The following PIGB variants were observed in gnomAD, a reference collection of about 807,000 sequenced individuals.
PIGB encodes phosphatidylinositol glycan anchor biosynthesis class B.
PIGB carries 58 observed loss-of-function variants against 68.4 expected under a neutral mutation model. The observed-to-expected ratio is 0.85, with a 90% CI of 0.69 to 1.06. The LOEUF is 1.06. Ranked by LOEUF, PIGB falls within the 50% of genes least tolerant of loss-of-function variation. The pLI is 0.00. For synonymous variants in PIGB, 219 were observed against 220.5 expected (o/e 0.99, Z 0.06); for missense variants, 634 against 655.8 (o/e 0.97, Z 0.36).
intron 9 of PIGB, among the ~76,000 whole-genome samples, chr15:55,348,138 C>T (rs2055842647): frequency 6.6e-6 from 1 of 152,094 alleles, no homozygotes; most frequent in Admixed American, 6.5e-5. Context: ...AGGCATGCGC[C>T]TCCACACCTA....
intron 2 of PIGB, among the ~76,000 whole-genome samples, chr15:55,320,820 G>T (rs865924014): frequency 3.9e-5 from 6 of 152,046 alleles, no homozygotes; most frequent in Non-Finnish European, 8.8e-5. Context: ...CATATTTTCA[G>T]TTTTCCGTAT....
intron 9 of PIGB, chr15:55,343,548 G>A (rs557174859): frequency 6.6e-6 from 1 of 152,154 alleles, no homozygotes; most frequent in Non-Finnish European, 1.5e-5. Flanking sequence ...GCTTTACCAA[G>A]TATTTACACA....
chr15:55,327,369 G>A (rs1176942305), intron 3 of PIGB, among the ~76,000 whole-genome samples, 162 bp from the exon 4 acceptor site: 1 of 151,950 alleles, frequency 6.6e-6, no homozygotes, highest in Admixed American at 6.6e-5. Context: ...AAAAGGGGAT[G>A]TAGGGATGTA....
At chr15:55,319,440 GCTC>G in intron 1 of PIGB, 27 bp downstream of exon 1, 1 of 1,533,586 alleles carries the variant, frequency 6.5e-7, no homozygotes, top group Non-Finnish European at 8.8e-7. Context: ...TGTCTGGAGA[GCTC>G]CTACCCCCAT....
At chr15:55,346,010 C>G (rs2055785737) in intron 9 of PIGB, among the ~76,000 whole-genome samples, 1 of 152,036 alleles carries the variant, frequency 6.6e-6, no homozygotes, top group South Asian at 2.1e-4. Context: ...CATTAGGTTT[C>G]CTGATAATTC....
chr15:55,321,453 CTGT>C (rs1566946105), intron 3 of PIGB, 63 bp downstream of exon 3: 1 of 1,405,602 alleles, frequency 7.1e-7, no homozygotes, highest in Non-Finnish European at 9.7e-7. Context: ...TAAAAGGCTA[CTGT>C]TGCTGAAGTC....
At chr15:55,341,120 G>T (rs942551112) in intron 8 of PIGB, among the ~76,000 whole-genome samples, 1 of 151,024 alleles carries the variant, frequency 6.6e-6, no homozygotes, top group Non-Finnish European at 1.5e-5. Context: ...TCAATACTTT[G>T]AAGGCCAAGG....
rs541817746 is a variant in PIGB at position 55,343,849 on chromosome 15, G to C, written c.1123+2047G>C. Among the ~76,000 whole-genome samples the C allele has an allele frequency of 2.6e-3, 401 of 152,214 alleles. 1 individual carries two copies. The highest frequency in any genetic ancestry group is 9.1e-3 in the African/African-American group (379 of 41,542). On this transcript the variant is annotated intron_variant, in intron 9 of 11. Transcript: ENST00000164305. ...GTGGGTCAAAAAACTCTAATTCCTA[G>C]GAGATTTGTACTTCCACTAACAGTC...
Position 55,329,764 on chromosome 15 carries a change from G to C in PIGB, c.563G>C (p.Cys188Ser). 6.2e-7 allele frequency: 1 copy of C among 1,610,220 alleles called. No homozygotes were observed. Among genetic ancestry groups the C allele is most frequent in the Non-Finnish European group, 8.5e-7 (1 of 1,176,774 alleles). ...TGCTCCTGGTTCACATGGTATTGCT[G>C]TACCAGAACCCTTACAAACACCATG... ...QLCSWFTWYCCTRTLTNTMET... is the reference protein window; with the variant it reads ...QLCSWFTWYCSTRTLTNTMET... Residue 188 changes from cysteine (C) to serine (S), a missense_variant, in exon 5 of 12, where the codon TGT becomes TCT. Coordinates refer to ENST00000164305, the MANE Select transcript of PIGB (RefSeq NM_004855.5).
rs1029416529 is a variant in PIGB, at chr15:55,329,259, C to T, written c.523-465C>T. Among the ~76,000 whole-genome samples, 6 of 151,100 alleles carry T rather than the reference C, an allele frequency of 4.0e-5. No individual in the cohort carries two copies. In the East Asian group the frequency reaches 5.8e-4, roughly 15 times the overall value. ...CTCTTTTGTCTTAATTTTTCATCAG[C>T]GTTCCAAAACAGGGAGACATTCCAA... On this transcript the variant is annotated intron_variant, in intron 4 of 11. Coordinates refer to ENST00000164305, the MANE Select transcript of PIGB (RefSeq NM_004855.5).
chr15:55,348,234 C>T (rs2055845742), intron 9 of PIGB: 1 of 152,368 alleles, frequency 6.6e-6, no homozygotes, highest in African/African-American at 2.4e-5. Flanking sequence ...ATCTGCCCGC[C>T]TTGGCCTCCC....
intron 4 of PIGB, among the ~76,000 whole-genome samples, chr15:55,328,756 C>T (rs1264137340): frequency 6.6e-6 from 1 of 152,080 alleles, no homozygotes; most frequent in Non-Finnish European, 1.5e-5. Context: ...TCACAAGGTC[C>T]GGAGTTCGAG....
In PIGB at chr15:55,323,392, G is replaced by A. The variant is rs373004530; in HGVS notation, c.417+2002G>A. The stretch of plus-strand genomic sequence containing the variant: ...AATCTCAGCACTTTGGGAGGCTGAG[G>A]TGGGAGGATTGCTTGAGGCCAGGAG... On this transcript the variant is annotated intron_variant, in intron 3 of 11. Transcript: ENST00000164305. Among the ~76,000 whole-genome samples, 19 of 152,302 alleles carry A rather than the reference G, an allele frequency of 1.2e-4. 1 individual carries two copies. The highest frequency in any genetic ancestry group is 7.2e-4 in the Admixed American group (11 of 15,288).
rs1034586339 is a variant in PIGB at position 55,354,082 on chromosome 15, C to T, written c.1338-716C>T. Among the ~76,000 whole-genome samples, 6 of 151,070 alleles carry T rather than the reference C, an allele frequency of 4.0e-5. No homozygotes were observed. In the East Asian group the frequency reaches 7.9e-4, roughly 20 times the overall value. ...ATCCCAGCACTTTGGAAGGCTGAGG[C>T]GGGTGGATCACCTGAGGTTAGGAGT... On this transcript the variant is annotated intron_variant, in intron 10 of 11. Coordinates refer to ENST00000164305, the MANE Select transcript of PIGB (RefSeq NM_004855.5).
At chr15:55,325,062 C>T (rs1413597650) in intron 3 of PIGB, among the ~76,000 whole-genome samples, 1 of 152,198 alleles carries the variant, frequency 6.6e-6, no homozygotes, top group Non-Finnish European at 1.5e-5. Flanking sequence ...CGCGGTGGAT[C>T]ACGCCTGTAA....
intron 3 of PIGB, among the ~76,000 whole-genome samples, chr15:55,324,455 T>C (rs1259238806): frequency 6.6e-6 from 1 of 152,166 alleles, no homozygotes; most frequent in Non-Finnish European, 1.5e-5. Context: ...TATGCGAAAG[T>C]CTACTTTGTT....
At chr15:55,347,927 A>G (rs1595800855) in intron 9 of PIGB, among the ~76,000 whole-genome samples, 1 of 151,100 alleles carries the variant, frequency 6.6e-6, no homozygotes, top group Non-Finnish European at 1.5e-5. Flanking sequence ...TTGATCACCA[A>G]GTATTCCCAT....
chr15:55,329,824 A>G lies in PIGB; in HGVS notation c.623A>G (p.Tyr208Cys), dbSNP rs1230987674. The G allele has an allele frequency of 1.9e-6, 3 of 1,598,984 alleles. No homozygotes were observed. The highest frequency in any genetic ancestry group is 1.1e-5 in the South Asian group (1 of 90,652). The stretch of plus-strand genomic sequence containing the variant: ...CTCACTATAATTGCTCTTTTCTACT[A>G]TCCTTTGGAAGGTTCAAAGTCTATG... ...TVLTIIALFY[Y>C]PLEGSKSMNS... is the part of the protein sequence containing the mutation. Residue 208 changes from tyrosine (Y) to cysteine (C), a missense_variant, in exon 5 of 12, where the codon TAT (tyrosine) becomes TGT (cysteine). By Grantham distance (194) the Tyr-to-Cys change is radical (BLOSUM62 -2). Transcript: ENST00000164305.
intron 11 of PIGB, 126 bp from the exon 12 acceptor site, chr15:55,355,160 A>G (rs1390335923): frequency 4.4e-6 from 4 of 906,396 alleles, no homozygotes; most frequent in Admixed American, 2.9e-5. Context: ...TTTACTTCCT[A>G]TAAGTTAATT....
Sources: gnomAD v4.1 joint callset for allele counts (sites outside exome capture counted in the v4.1 genomes callset) on GRCh38, gnomAD v4.1.1 for gene constraint, MANE v1.5 for transcripts, NCBI Gene and HGNC (gene_info 2026-07-23, HGNC 2026-07-21) for gene names.